The following ATRNL1 variants were observed in gnomAD, a reference collection of about 807,000 sequenced individuals.
ATRNL1 encodes attractin-like protein 1.
A neutral mutation model predicts 182.7 loss-of-function variants in ATRNL1; 95 were observed. The observed-to-expected ratio is 0.52, with a 90% CI of 0.44 to 0.62. The LOEUF is 0.62. Ranked by LOEUF, ATRNL1 falls within the 20% of genes least tolerant of loss-of-function variation. The pLI is 0.00. For synonymous variants in ATRNL1, 576 were observed against 568.3 expected (o/e 1.01, Z -0.19); for missense variants, 1,471 against 1,679.5 (o/e 0.88, Z 2.17).
At chr10:115,329,137 A>G (rs782209565) in intron 18 of ATRNL1, among the ~76,000 whole-genome samples, 5 of 151,894 alleles carry the variant, frequency 3.3e-5, no homozygotes, top group Non-Finnish European at 5.9e-5. Context: ...TTCACTGTCA[A>G]TTTTATAATT....
chr10:115,513,305 AC>A (rs1850483221), intron 24 of ATRNL1, among the ~76,000 whole-genome samples: 1 of 151,934 alleles, frequency 6.6e-6, no homozygotes, highest in Non-Finnish European at 1.5e-5. Context: ...TGATCTCAGC[AC>A]TTCTGCATAT....
intron 26 of ATRNL1, among the ~76,000 whole-genome samples, chr10:115,594,881 G>C (rs1468879642): frequency 6.6e-6 from 1 of 152,128 alleles, no homozygotes; most frequent in Admixed American, 6.5e-5. Context: ...GTCAAACAGA[G>C]CTTTTAGAGG....
chr10:115,374,613 C>A (rs1478397403), intron 19 of ATRNL1, among the ~76,000 whole-genome samples: 1 of 151,438 alleles, frequency 6.6e-6, no homozygotes, highest in East Asian at 1.9e-4. Context: ...TTTGAAGTAA[C>A]CATTAATTGC....
chr10:115,385,317 T>G (rs1423369959), intron 19 of ATRNL1, among the ~76,000 whole-genome samples: 2 of 152,120 alleles, frequency 1.3e-5, no homozygotes, highest in African/African-American at 2.4e-5. Flanking sequence ...ATTAAATATC[T>G]TTTCATGTGT....
At chr10:115,135,830 A>G (rs1350558208) in intron 5 of ATRNL1, among the ~76,000 whole-genome samples, 2 of 151,558 alleles carry the variant, frequency 1.3e-5, no homozygotes, top group African/African-American at 4.9e-5. Context: ...TGCTTAACCT[A>G]CCTGGTCTTG....
intron 26 of ATRNL1, among the ~76,000 whole-genome samples, chr10:115,576,510 T>C (rs904662273): frequency 9.9e-5 from 15 of 152,028 alleles, no homozygotes; most frequent in African/African-American, 3.6e-4. Context: ...TTTCCATATA[T>C]CCGTTAGCCA....
chr10:115,169,351 C>G (rs552544553), intron 7 of ATRNL1, among the ~76,000 whole-genome samples: 27 of 151,544 alleles, frequency 1.8e-4, no homozygotes, highest in Non-Finnish European at 3.4e-4. Flanking sequence ...GGATTACAGG[C>G]GCCTGCCACC....
intron 27 of ATRNL1, among the ~76,000 whole-genome samples, chr10:115,778,464 C>A (rs2134183039): frequency 6.6e-6 from 1 of 152,280 alleles, no homozygotes; most frequent in East Asian, 1.9e-4. Context: ...CAGGAGGTAA[C>A]ACTGAGTTGG....
intron 19 of ATRNL1, among the ~76,000 whole-genome samples, chr10:115,370,894 G>A (rs1476663950): frequency 6.6e-6 from 1 of 152,174 alleles, no homozygotes; most frequent in African/African-American, 2.4e-5. Flanking sequence ...CAGGCCAGGA[G>A]GCCTAGGAGG....
At chr10:115,249,911 G>A (rs894737287) in intron 10 of ATRNL1, among the ~76,000 whole-genome samples, 1 of 152,184 alleles carries the variant, frequency 6.6e-6, no homozygotes, top group Non-Finnish European at 1.5e-5. Context: ...AAAAATGTAG[G>A]AGACTTTTTA....
Position 115,160,150 on chromosome 10 carries a change from G to A in ATRNL1, c.940G>A (p.Gly314Arg), listed in dbSNP as rs937848397. 6.2e-6 allele frequency: 10 copies of A among 1,612,336 alleles called. No individual in the cohort carries two copies. The highest frequency in any genetic ancestry group is 8.5e-6 in the Non-Finnish European group (10 of 1,179,058). ...GRASHKAVLH[G>R]KFMWVIGGYT... ...GGCTTCACATAAAGCAGTTTTACAC[G>A]GGAAATTTATGTGGGTGATTGGTGG... The change falls in exon 6 of 29, where the codon GGG (glycine) becomes AGG (arginine). Residue 314 changes from glycine (G) to arginine (R), a missense_variant. Physicochemically the swap from Gly to Arg is moderately radical, Grantham distance 125. Around this residue, in one of 3 missense-constraint regions of ATRNL1, gnomAD observed 1,031 missense variants for 1,156.0 expected, o/e 0.89. Coordinates refer to ENST00000355044, the MANE Select transcript of ATRNL1 (RefSeq NM_207303.4).
At chr10:115,764,807 G>A (rs910441218) in intron 27 of ATRNL1, among the ~76,000 whole-genome samples, 6 of 152,008 alleles carry the variant, frequency 3.9e-5, no homozygotes, top group Non-Finnish European at 8.8e-5. Flanking sequence ...CCAAGTAGCT[G>A]GATTACAAGT....
In ATRNL1 at chr10:115,947,066, C is replaced by G. The variant is rs1400503291; in HGVS notation, c.*2287C>G. 2 of 152,556 alleles carry G rather than the reference C, an allele frequency of 1.3e-5. No homozygotes were observed. The highest frequency in any genetic ancestry group is 1.3e-4 in the Admixed American group (2 of 15,280). 9.5% of individuals were successfully genotyped at this position (152,556 alleles called of 1,614,324 possible). On this transcript the variant is annotated 3_prime_UTR_variant, in exon 29 of 29. Transcript: ENST00000355044. ...TTAGTTAAAGTCATGCTATACCTTT[C>G]TGGGCCACATATTGCTAACTCTGTG... is the stretch of plus-strand genomic sequence containing the variant.
rs1554885386 is a variant in ATRNL1 at position 115,171,023 on chromosome 10, A to T, written c.1093-14A>T. The stretch of plus-strand genomic sequence containing the variant: ...CATTATTTTATCTATTAATATATGT[A>T]TTTTAATTTACAGGAAAACATCTTT... On this transcript the variant is annotated splice_polypyrimidine_tract_variant and intron_variant, in intron 7 of 28. Transcript: ENST00000355044. The T allele has an allele frequency of 6.9e-7, 1 of 1,454,878 alleles. No individual in the cohort carries two copies. The highest frequency in any genetic ancestry group is 1.4e-5 in the African/African-American group (1 of 70,716). 90.1% of individuals were successfully genotyped at this position (1,454,878 alleles called of 1,614,324 possible).
intron 27 of ATRNL1, among the ~76,000 whole-genome samples, chr10:115,844,304 T>A (rs1950879384): frequency 6.6e-6 from 1 of 152,054 alleles, no homozygotes; most frequent in South Asian, 2.1e-4. Flanking sequence ...CAGAAGTGAA[T>A]CCCTCACTCG....
chr10:115,327,713 T>C (rs1478612105), intron 18 of ATRNL1, among the ~76,000 whole-genome samples: 2 of 150,932 alleles, frequency 1.3e-5, no homozygotes, highest in African/African-American at 4.9e-5. Flanking sequence ...TAGACTGGAT[T>C]AAGAAATGTG....
intron 26 of ATRNL1, among the ~76,000 whole-genome samples, chr10:115,636,787 A>G (rs1858904181): frequency 6.6e-6 from 1 of 152,368 alleles, no homozygotes; most frequent in Admixed American, 6.5e-5. Flanking sequence ...ACAGTAAACA[A>G]AAAGTGGAAA....
At chr10:115,153,351 C>G (rs911991806) in intron 5 of ATRNL1, among the ~76,000 whole-genome samples, 1 of 152,072 alleles carries the variant, frequency 6.6e-6, no homozygotes, top group African/African-American at 2.4e-5. Context: ...TGGTCCTGGA[C>G]ATTTTTTGGT....
intron 26 of ATRNL1, among the ~76,000 whole-genome samples, chr10:115,698,840 A>G (rs1238728948): frequency 2.6e-5 from 4 of 152,042 alleles, no homozygotes; most frequent in Non-Finnish European, 5.9e-5. Flanking sequence ...AGAAATGGCC[A>G]TTACTAGCAA....
Sources: gnomAD v4.1 joint callset for allele counts (sites outside exome capture counted in the v4.1 genomes callset) on GRCh38, gnomAD v4.1.1 for gene constraint, gnomAD v4.1.1 regional missense constraint, MANE v1.5 for transcripts, NCBI Gene and HGNC (gene_info 2026-07-23, HGNC 2026-07-21) for gene names.